Variants in GALNTL6 observed in about 807,000 individuals in gnomAD.
GALNTL6 encodes the protein polypeptide N-acetylgalactosaminyltransferase-like 6.
In GALNTL6, 46 loss-of-function variants were observed where a neutral mutation model predicts 73.7. That is an observed-to-expected ratio of 0.62 (90% CI 0.49 to 0.80). The LOEUF is 0.80. Among genes scored for constraint, GALNTL6 ranks in the 30% least tolerant of loss-of-function variants. GALNTL6 has a pLI of 0.00. For synonymous variants in GALNTL6, 259 were observed against 263.7 expected (o/e 0.98, Z 0.17); for missense variants, 604 against 755.0 (o/e 0.80, Z 2.34).
At chr4:172,487,133 TA>T (rs200707551) in intron 5 of GALNTL6, among the ~76,000 whole-genome samples, 3,114 of 151,848 alleles carry the variant, frequency 0.021, 29 homozygotes, top group African/African-American at 0.035. Context: ...TCAAGTATAA[TA>T]AAAAAAACAA....
chr4:172,224,244 A>G (rs1298719040), intron 2 of GALNTL6, among the ~76,000 whole-genome samples: 1 of 152,146 alleles, frequency 6.6e-6, no homozygotes, highest in African/African-American at 2.4e-5. Flanking sequence ...TAAGGTAGGT[A>G]TTGTTCTTAT....
At chr4:171,981,071 T>A (rs332989) in intron 2 of GALNTL6, among the ~76,000 whole-genome samples, 145,165 of 152,268 alleles carry the variant, frequency 0.95, 69,592 homozygotes, top group East Asian at 1. Context: ...TGCCAAGGTT[T>A]AGGATGCCTC....
intron 2 of GALNTL6, among the ~76,000 whole-genome samples, chr4:172,177,741 ATGTGTATATATATG>A (rs138686281): frequency 8.1e-4 from 70 of 86,492 alleles, no homozygotes; most frequent in African/African-American, 2.8e-3. Context: ...ATATATACAC[ATGTGTATATATATG>A]TGTGTATATA....
chr4:172,959,152 A>G (rs1749911892), intron 10 of GALNTL6, among the ~76,000 whole-genome samples: 1 of 152,086 alleles, frequency 6.6e-6, no homozygotes, highest in East Asian at 1.9e-4. Flanking sequence ...GGTTTTAATG[A>G]GATGGTAAGG....
intron 5 of GALNTL6, among the ~76,000 whole-genome samples, chr4:172,724,689 GT>G (rs1397214457): frequency 6.6e-6 from 1 of 152,172 alleles, no homozygotes; most frequent in African/African-American, 2.4e-5. Context: ...AAGAAGGGAA[GT>G]TATTGAAGTG....
At chr4:173,029,590 C>T (rs28451718) in intron 12 of GALNTL6, among the ~76,000 whole-genome samples, 52,959 of 152,028 alleles carry the variant, frequency 0.35, 9,752 homozygotes, top group African/African-American at 0.43. Context: ...TGAGCAATGT[C>T]TCTGTTAATT....
chr4:172,136,661 A>G (rs1198419675), intron 2 of GALNTL6, among the ~76,000 whole-genome samples: 1 of 151,686 alleles, frequency 6.6e-6, no homozygotes, highest in African/African-American at 2.4e-5. Flanking sequence ...TTTATTTTAT[A>G]TATTAAATTA....
chr4:172,714,467 A>G (rs1305596602), intron 5 of GALNTL6, among the ~76,000 whole-genome samples: 1 of 152,208 alleles, frequency 6.6e-6, no homozygotes, highest in Non-Finnish European at 1.5e-5. Context: ...CAGAGTAAGA[A>G]AGGCTTCAAT....
At chr4:172,207,018 C>T (rs570266581) in intron 2 of GALNTL6, among the ~76,000 whole-genome samples, 20 of 151,206 alleles carry the variant, frequency 1.3e-4, no homozygotes, top group South Asian at 6.3e-4. Context: ...GGGGTTTCAC[C>T]ATGTTAGCCA....
At chr4:171,883,412 T>C (rs1297169346) in intron 2 of GALNTL6, among the ~76,000 whole-genome samples, 1 of 152,118 alleles carries the variant, frequency 6.6e-6, no homozygotes, top group Admixed American at 6.6e-5. Context: ...GGAACATGTC[T>C]TTTTCAGTTC....
At chr4:172,033,170 G>GGAGA (rs70941376) in intron 2 of GALNTL6, among the ~76,000 whole-genome samples, 65 of 146,458 alleles carry the variant, frequency 4.4e-4, no homozygotes, top group African/African-American at 1.2e-3. Flanking sequence ...ACACACACAC[G>GGAGA]GAGAGAGAGA....
At chr4:172,674,616 T>C (rs943801082) in intron 5 of GALNTL6, among the ~76,000 whole-genome samples, 3 of 152,192 alleles carry the variant, frequency 2.0e-5, no homozygotes, top group African/African-American at 7.2e-5. Flanking sequence ...GCCATAGATT[T>C]GATCTCTTTC....
chr4:172,581,490 A>G (rs7696315), intron 5 of GALNTL6, among the ~76,000 whole-genome samples: 72,720 of 152,020 alleles, frequency 0.48, 19,057 homozygotes, highest in East Asian at 0.67. Flanking sequence ...GGACTCCACA[A>G]AAGGCCTTTC....
intron 2 of GALNTL6, among the ~76,000 whole-genome samples, chr4:172,007,771 C>T (rs10005552): frequency 0.94 from 142,401 of 152,172 alleles, 66,923 homozygotes; most frequent in East Asian, 1. Flanking sequence ...AGAGCCCATC[C>T]AGCATTCCTT....
intron 4 of GALNTL6, among the ~76,000 whole-genome samples, chr4:172,315,113 T>C (rs1358620776): frequency 6.6e-6 from 1 of 152,208 alleles, no homozygotes; most frequent in Non-Finnish European, 1.5e-5. Flanking sequence ...CTTTTCACTT[T>C]TGTTTTTAAT....
chr4:172,179,698 T>G (rs963152326), intron 2 of GALNTL6, among the ~76,000 whole-genome samples: 4 of 150,960 alleles, frequency 2.6e-5, no homozygotes, highest in Non-Finnish European at 5.9e-5. Context: ...TTGTTGCCAT[T>G]GCTTTTGGTG....
chr4:171,958,307 A>G (rs746253430), intron 2 of GALNTL6, among the ~76,000 whole-genome samples: 2 of 152,204 alleles, frequency 1.3e-5, no homozygotes, highest in Non-Finnish European at 1.5e-5. Flanking sequence ...GACTTAATGC[A>G]TAAACAGCTG....
intron 8 of GALNTL6, 35 bp from the exon 9 acceptor site, chr4:172,931,126 C>A: frequency 2.7e-6 from 3 of 1,110,082 alleles, no homozygotes; most frequent in South Asian, 1.2e-5. Flanking sequence ...GTGTGAAATT[C>A]ACTGTTGTCT....
rs367926369 is a variant in GALNTL6 at position 172,254,138 on chromosome 4, G to T, written c.247+24374G>T. Among the ~76,000 whole-genome samples the T allele has an allele frequency of 8.6e-5, 13 of 151,872 alleles. 1 individual carries two copies. Among genetic ancestry groups the T allele is most frequent in the Admixed American group, 5.3e-4 (8 of 15,222 alleles). On this transcript the variant is annotated intron_variant, in intron 3 of 12. Coordinates refer to ENST00000506823, the MANE Select transcript of GALNTL6 (RefSeq NM_001034845.3). Reference sequence around the variant, plus strand: ...AGAAATCAACATTCTGCTAAAAACGGCTACTGTTAATTTACATAGGATCAT... The same window carrying T: ...AGAAATCAACATTCTGCTAAAAACGTCTACTGTTAATTTACATAGGATCAT...
Sources: allele counts gnomAD v4.1 joint callset (sites outside exome capture counted in the v4.1 genomes callset), GRCh38; gene constraint gnomAD v4.1.1; transcripts MANE v1.5; gene names NCBI Gene and HGNC (gene_info 2026-07-23, HGNC 2026-07-21).